RELCH: variants seen among roughly 807,000 people sequenced by gnomAD.
The protein encoded by RELCH is RAB11-binding protein RELCH.
Under a neutral mutation model 150.3 loss-of-function variants are expected in RELCH, and 41 were observed. That is an observed-to-expected ratio of 0.27 (90% CI 0.21 to 0.35). The LOEUF is 0.35. Among genes scored for constraint, RELCH ranks in the 10% least tolerant of loss-of-function variants. RELCH has a pLI of 1.00. For missense variants in RELCH, 1,092 were observed against 1,467.8 expected (o/e 0.74, Z 4.18); for synonymous variants, 478 against 531.8 (o/e 0.90, Z 1.39).
At chr18:62,260,964 G>A (rs2043241540) in intron 15 of RELCH, among the ~76,000 whole-genome samples, 1 of 151,924 alleles carries the variant, frequency 6.6e-6, no homozygotes, top group Non-Finnish European at 1.5e-5. Flanking sequence ...ATACATTCTA[G>A]TGTTTGATAG....
intron 20 of RELCH, among the ~76,000 whole-genome samples, chr18:62,272,150 TA>T (rs753683681): frequency 8.5e-5 from 13 of 152,170 alleles, no homozygotes; most frequent in Non-Finnish European, 1.6e-4. Flanking sequence ...TTTCTGTTTG[TA>T]AAAGATTTTA....
At chr18:62,267,442 G>C (rs556532327) in intron 19 of RELCH, among the ~76,000 whole-genome samples, 2 of 149,106 alleles carry the variant, frequency 1.3e-5, no homozygotes, top group African/African-American at 4.9e-5. Flanking sequence ...GTATGTGTGT[G>C]TGTGTGTGTG....
At chr18:62,253,754 C>T (rs933785198) in intron 12 of RELCH, among the ~76,000 whole-genome samples, 1 of 152,066 alleles carries the variant, frequency 6.6e-6, no homozygotes, top group African/African-American at 2.4e-5. Context: ...TAATAACTAC[C>T]TGTCACAATC....
chr18:62,250,830 C>T (rs2042666415), intron 11 of RELCH, among the ~76,000 whole-genome samples: 1 of 152,198 alleles, frequency 6.6e-6, no homozygotes, highest in African/African-American at 2.4e-5. Flanking sequence ...TAACAATGAG[C>T]AATGCCTAGA....
At chr18:62,241,359 C>T (rs76054968) in intron 10 of RELCH, among the ~76,000 whole-genome samples, 12,410 of 152,120 alleles carry the variant, frequency 0.082, 622 homozygotes, top group South Asian at 0.18. Context: ...GCTATGATCA[C>T]GCCTGTAAAT....
rs2043102216 is a variant in RELCH at position 62,258,603 on chromosome 18, G to C, written c.2129G>C (p.Trp710Ser). Reference protein sequence around the residue: ...HQVFLPAYAAWTTELGNLQSH... With the variant: ...HQVFLPAYAASTTELGNLQSH... ...GTATTTTTACCAGCTTACGCTGCGT[G>C]GACTACAGAACTTGGAAATTTACAG... Residue 710 changes from tryptophan to serine, a missense_variant, in exon 15 of 29, where the codon TGG becomes TCG. Trp to Ser is a radical substitution (Grantham distance 177, BLOSUM62 -3). This residue lies in a region of RELCH where 707 missense variants were observed against 1,025.4 expected (regional missense o/e 0.69). Transcript: ENST00000644646. The C allele has an allele frequency of 1.2e-6, 2 of 1,601,610 alleles. No homozygotes were observed.
intron 10 of RELCH, among the ~76,000 whole-genome samples, chr18:62,239,528 A>G (rs753239709): frequency 6.6e-5 from 10 of 152,096 alleles, no homozygotes; most frequent in Non-Finnish European, 8.8e-5. Context: ...CTAGTTATCA[A>G]ACTTTTAAAA....
At chr18:62,245,881 GGA>G (rs1429022198) in intron 11 of RELCH, 1 of 152,112 alleles carries the variant, frequency 6.6e-6, no homozygotes, top group East Asian at 1.9e-4. Context: ...AGTGGAAGGG[GGA>G]GGGAGTGAAT....
intron 1 of RELCH, among the ~76,000 whole-genome samples, chr18:62,200,015 C>T (rs1362072366): frequency 6.6e-6 from 1 of 152,138 alleles, no homozygotes; most frequent in African/African-American, 2.4e-5. Flanking sequence ...TTACTAATAG[C>T]TTTTCATATG....
intron 1 of RELCH, among the ~76,000 whole-genome samples, chr18:62,209,069 C>T (rs1381689754): frequency 6.6e-6 from 1 of 152,146 alleles, no homozygotes; most frequent in Non-Finnish European, 1.5e-5. Flanking sequence ...TTAAGGTCAG[C>T]TGATAAGCAA....
intron 2 of RELCH, among the ~76,000 whole-genome samples, chr18:62,220,025 C>T (rs1324802922): frequency 6.6e-6 from 1 of 152,008 alleles, no homozygotes; most frequent in Non-Finnish European, 1.5e-5. Context: ...ACTTAATTTT[C>T]CCAGAGCTTT....
chr18:62,238,877 G>A (rs76780845), intron 10 of RELCH, among the ~76,000 whole-genome samples: 5,579 of 152,082 alleles, frequency 0.037, 333 homozygotes, highest in African/African-American at 0.13. Flanking sequence ...CAGTAAAGCT[G>A]TAACAAAAAA....
intron 16 of RELCH, 61 bp downstream of exon 16, chr18:62,261,719 A>T (rs2043282692): frequency 6.9e-7 from 1 of 1,445,806 alleles, no homozygotes; most frequent in Admixed American, 2.1e-5. Flanking sequence ...TTCCCAAAGA[A>T]TTGTTTTTTA....
At chr18:62,299,196 C>T (rs907221300) in intron 28 of RELCH, among the ~76,000 whole-genome samples, 1 of 152,188 alleles carries the variant, frequency 6.6e-6, no homozygotes, top group Non-Finnish European at 1.5e-5. Flanking sequence ...TGTCTAGAAA[C>T]TTGTGACAGG....
intron 28 of RELCH, among the ~76,000 whole-genome samples, chr18:62,299,366 G>C (rs1290976591): frequency 6.6e-6 from 1 of 152,132 alleles, no homozygotes; most frequent in Non-Finnish European, 1.5e-5. Context: ...TCAGGAGTGG[G>C]AGTTATTTAC....
intron 10 of RELCH, among the ~76,000 whole-genome samples, chr18:62,239,005 TG>T (rs2042009474): frequency 1.3e-5 from 2 of 152,132 alleles, no homozygotes; most frequent in Non-Finnish European, 2.9e-5. Context: ...GTTTCCTTCA[TG>T]GAAACCTTAC....
rs555593470 is a variant in RELCH, at chr18:62,214,318, C to T, written c.616+3076C>T. On this transcript the variant is annotated intron_variant, in intron 2 of 28. Transcript: ENST00000644646. Reference sequence around the variant, plus strand: ...AAAAAATTTCAATTAATCATAATTCCTATTTCCAAAAAGATTGTGACTCTT... The same window carrying T: ...AAAAAATTTCAATTAATCATAATTCTTATTTCCAAAAAGATTGTGACTCTT... Among the ~76,000 whole-genome samples the T allele has an allele frequency of 2.2e-4, 34 of 152,168 alleles. 1 individual carries two copies. The South Asian group carries it at 6.7e-3, about 30-fold the overall frequency.
At chr18:62,278,896 T>C (rs1441598850) in intron 22 of RELCH, among the ~76,000 whole-genome samples, 2 of 152,184 alleles carry the variant, frequency 1.3e-5, no homozygotes, top group Non-Finnish European at 2.9e-5. Flanking sequence ...CAAAGACCTA[T>C]TTAGATATTA....
intron 8 of RELCH, 117 bp downstream of exon 8, chr18:62,228,715 T>A (rs1251229683): frequency 1.4e-6 from 1 of 737,100 alleles, no homozygotes; most frequent in African/African-American, 1.8e-5. Context: ...TATTAATTTT[T>A]ATATTTGACA....
Sources: allele counts gnomAD v4.1 joint callset (sites outside exome capture counted in the v4.1 genomes callset), GRCh38; gene constraint gnomAD v4.1.1; regional missense constraint gnomAD v4.1.1; transcripts MANE v1.5; gene names NCBI Gene and HGNC (gene_info 2026-07-23, HGNC 2026-07-21).